Variants in GRB10 observed in about 807,000 individuals in gnomAD.
GRB10 encodes the protein growth factor receptor-bound protein 10.
A neutral mutation model predicts 80.9 loss-of-function variants in GRB10; 20 were observed. The observed-to-expected ratio is 0.25, with a 90% CI of 0.17 to 0.36. The LOEUF is 0.36. GRB10 is among the 10% of genes least tolerant of loss of function. The pLI, the probability that GRB10 is intolerant of heterozygous loss-of-function variation, is 1.00. For missense variants in GRB10, 548 were observed against 747.7 expected, an observed-to-expected ratio of 0.73 and a Z score of 3.12; for synonymous variants, 291 against 291.5, an observed-to-expected ratio of 1.00 and a Z score of 0.02.
intron 7 of GRB10, among the ~76,000 whole-genome samples, chr7:50,648,761 T>C (rs1196026326): frequency 2.0e-5 from 3 of 152,328 alleles, no homozygotes; most frequent in African/African-American, 7.2e-5. Context: ...CACTGAGACA[T>C]AACAATGGAC....
chr7:50,741,317 A>T (rs1211477592), intron 3 of GRB10, among the ~76,000 whole-genome samples: 1 of 152,178 alleles, frequency 6.6e-6, no homozygotes, highest in Non-Finnish European at 1.5e-5. Flanking sequence ...ATTATTTTTT[A>T]AAAATACTAA....
In GRB10 at chr7:50,597,425, G is replaced by A. The variant is rs190812791; in HGVS notation, c.1545-1895C>T. 1.1e-3 allele frequency among the ~76,000 whole-genome samples: 157 copies of A among 147,330 alleles called. 1 individual carries two copies. The highest frequency in any genetic ancestry group is 6.4e-4 in the East Asian group (3 of 4,696). On this transcript the variant is annotated intron_variant, in intron 17 of 18. Coordinates refer to ENST00000401949, the MANE Select transcript of GRB10 (RefSeq NM_001350814.2). ...AAGCGCTGGTGCATGCTGGGCAGCT[G>A]TGCCCACCTCAAAGACTTGTCAGAG...
chr7:50,677,952 A>G (rs1300585640), intron 5 of GRB10, among the ~76,000 whole-genome samples: 2 of 152,332 alleles, frequency 1.3e-5, no homozygotes, highest in Non-Finnish European at 2.9e-5. Flanking sequence ...GGAAATAAAA[A>G]CAGTGGTACA....
At chr7:50,618,207 G>A (rs997324678) in intron 9 of GRB10, 68 bp from the exon 10 acceptor site, 2 of 1,176,204 alleles carry the variant, frequency 1.7e-6, no homozygotes, top group African/African-American at 3.0e-5. Flanking sequence ...ATGTCATATA[G>A]ATATGTCAAT....
chr7:50,774,236 C>A (rs2077343451), intron 2 of GRB10, among the ~76,000 whole-genome samples: 1 of 152,092 alleles, frequency 6.6e-6, no homozygotes, highest in Non-Finnish European at 1.5e-5. Flanking sequence ...GGTATGATAG[C>A]TAAAGGGTGC....
chr7:50,591,615 G>A lies in GRB10; in HGVS notation c.*1337C>T, dbSNP rs1269892307. The A allele has an allele frequency of 1.3e-5, 2 of 152,252 alleles. No individual in the cohort carries two copies. Among genetic ancestry groups the A allele is most frequent in the Non-Finnish European group, 2.9e-5 (2 of 68,078 alleles). 9.4% of individuals were successfully genotyped at this position (152,252 alleles called of 1,614,324 possible). A position where few individuals can be genotyped will look rare whatever the true frequency, so the allele number is the denominator to read the frequency against. On this transcript the variant is annotated 3_prime_UTR_variant, in exon 19 of 19. Transcript: ENST00000401949. ...AGGGGGCCACCCGAGGGGCGGAGGG[G>A]ACCAAGTGACAACTCAAGCCACCAT...
intron 17 of GRB10, among the ~76,000 whole-genome samples, chr7:50,596,368 C>A (rs192367528): frequency 1.3e-5 from 2 of 152,348 alleles, no homozygotes; most frequent in East Asian, 3.9e-4. Context: ...GACACAACAT[C>A]ACTTTTCGGG....
At chr7:50,650,109 A>G (rs780514563) in intron 7 of GRB10, among the ~76,000 whole-genome samples, 1 of 152,186 alleles carries the variant, frequency 6.6e-6, no homozygotes, top group Non-Finnish European at 1.5e-5. Flanking sequence ...CTGGCAGAGC[A>G]GGAGACAGCG....
chr7:50,694,919 G>A (rs1354941618), intron 5 of GRB10, among the ~76,000 whole-genome samples: 1 of 152,184 alleles, frequency 6.6e-6, no homozygotes, highest in African/African-American at 2.4e-5. Flanking sequence ...CAGATAGACT[G>A]TCAATCTCTA....
chr7:50,775,173 ACAAAAAAAAACAGTGGAACAG>A (rs2077476950), intron 2 of GRB10, among the ~76,000 whole-genome samples: 1 of 97,642 alleles, frequency 1.0e-5, no homozygotes, highest in Non-Finnish European at 1.9e-5. Flanking sequence ...AAAAAAAAAA[ACAAAAAAAAACAGTGGAACAG>A]ACAAAGAACA....
chr7:50,644,373 C>T (rs1436616644), intron 7 of GRB10, among the ~76,000 whole-genome samples: 1 of 151,798 alleles, frequency 6.6e-6, no homozygotes, highest in African/African-American at 2.4e-5. Context: ...GATGGCCGAG[C>T]TCAGGGACAC....
chr7:50,793,213 C>T (rs1282114373), intron 1 of GRB10: 1 of 145,858 alleles, frequency 6.9e-6, no homozygotes, highest in East Asian at 2.0e-4. Context: ...GCTCCCCGCC[C>T]AACTCCGTAC....
chr7:50,791,960 G>C (rs772889486), intron 1 of GRB10, among the ~76,000 whole-genome samples: 6 of 152,140 alleles, frequency 3.9e-5, no homozygotes, highest in Non-Finnish European at 5.9e-5. Context: ...CTTTCCTCCT[G>C]GAAAGAGAGG....
chr7:50,631,708 A>ACCCAC lies in GRB10; in HGVS notation c.505-4731_505-4730insGTGGG, dbSNP rs533859868. On this transcript the variant is annotated intron_variant, in intron 7 of 18. Coordinates refer to ENST00000401949, the MANE Select transcript of GRB10 (RefSeq NM_001350814.2). ...TGTGGATGAAATCCTGTTCTGGGTG[A>ACCCAC]CCTACCCTACCCTACCTGGCCTCCG... 7.9e-5 allele frequency among the ~76,000 whole-genome samples: 12 copies of ACCCAC among 152,288 alleles called. No homozygotes were observed. In the East Asian group the frequency reaches 2.3e-3, roughly 29 times the overall value.
At chr7:50,654,506 G>A (rs187607890) in intron 7 of GRB10, among the ~76,000 whole-genome samples, 1 of 152,322 alleles carries the variant, frequency 6.6e-6, no homozygotes, top group Admixed American at 6.5e-5. Flanking sequence ...TGTTTTCTGT[G>A]AGGTTTCTCC....
chr7:50,635,522 G>C (rs1456432248), intron 7 of GRB10, among the ~76,000 whole-genome samples: 1 of 151,368 alleles, frequency 6.6e-6, no homozygotes, highest in Non-Finnish European at 1.5e-5. Flanking sequence ...ATAAAGATCA[G>C]AGCAGAACTA....
intron 5 of GRB10, among the ~76,000 whole-genome samples, chr7:50,698,501 T>C (rs891210564): frequency 2.6e-5 from 4 of 152,250 alleles, no homozygotes; most frequent in African/African-American, 7.2e-5. Context: ...CCAATTATTG[T>C]GTAGAATACG....
chr7:50,770,791 T>C (rs2076914359), intron 2 of GRB10, among the ~76,000 whole-genome samples: 1 of 152,236 alleles, frequency 6.6e-6, no homozygotes, highest in South Asian at 2.1e-4. Context: ...TACAGCTTTT[T>C]TCCATAAAAG....
At chr7:50,752,131 C>T (rs1332490894) in intron 3 of GRB10, among the ~76,000 whole-genome samples, 3 of 151,940 alleles carry the variant, frequency 2.0e-5, no homozygotes, top group East Asian at 1.9e-4. Flanking sequence ...AAGTGCCCCA[C>T]GTGAGGCAGA....
Sources: allele counts gnomAD v4.1 joint callset (sites outside exome capture counted in the v4.1 genomes callset), GRCh38; gene constraint gnomAD v4.1.1; transcripts MANE v1.5; gene names NCBI Gene and HGNC (gene_info 2026-07-23, HGNC 2026-07-21).